SUGCT: variants seen among roughly 807,000 people sequenced by gnomAD.
The protein encoded by SUGCT is succinyl-CoA:glutarate-CoA transferase.
SUGCT carries 41 observed loss-of-function variants against 55.0 expected under a neutral mutation model. The ratio of observed to expected loss-of-function variants is 0.74; its 90% CI spans 0.58 to 0.97. The LOEUF (loss-of-function observed/expected upper bound fraction) is 0.97, where lower values mean the gene tolerates loss of function less well. SUGCT is among the 50% of genes least tolerant of loss of function. The pLI is 0.00. For synonymous variants in SUGCT, 187 were observed against 200.4 expected (o/e 0.93, Z 0.56); for missense variants, 568 against 547.8 (o/e 1.04, Z -0.37).
chr7:40,334,357 A>C (rs1295649145), intron 9 of SUGCT, among the ~76,000 whole-genome samples: 2 of 152,204 alleles, frequency 1.3e-5, no homozygotes, highest in East Asian at 1.9e-4. Context: ...ACTAGTTTAC[A>C]ATCCCACCAA....
chr7:40,707,350 C>T (rs1170821276), intron 12 of SUGCT, among the ~76,000 whole-genome samples: 1 of 151,452 alleles, frequency 6.6e-6, no homozygotes, highest in Non-Finnish European at 1.5e-5. Context: ...AATGTATATG[C>T]GTGTTTTTCT....
intron 12 of SUGCT, among the ~76,000 whole-genome samples, chr7:40,621,957 G>A (rs2151793083): frequency 6.6e-6 from 1 of 152,258 alleles, no homozygotes; most frequent in East Asian, 1.9e-4. Context: ...GGCATTTGAG[G>A]CAAGCCCGTG....
chr7:41,004,845 A>C, the SUGCT span, among the ~76,000 whole-genome samples: 4 of 152,346 alleles, frequency 2.6e-5, no homozygotes, highest in Admixed American at 2.6e-4. Flanking sequence ...CTTCTCATTG[A>C]AACAAGTAAC....
intron 9 of SUGCT, among the ~76,000 whole-genome samples, chr7:40,434,528 C>T (rs932735007): frequency 1.4e-4 from 21 of 152,112 alleles, no homozygotes; most frequent in African/African-American, 4.8e-4. Flanking sequence ...ATGCTCATGT[C>T]TGTGATCTTT....
chr7:40,396,761 G>A (rs1448302910), intron 9 of SUGCT, among the ~76,000 whole-genome samples: 2 of 152,088 alleles, frequency 1.3e-5, no homozygotes, highest in Non-Finnish European at 2.9e-5. Flanking sequence ...AGAGTATTAA[G>A]CATTTACTTA....
the SUGCT span, among the ~76,000 whole-genome samples, chr7:40,866,276 C>T: frequency 5.9e-5 from 9 of 152,074 alleles, no homozygotes; most frequent in African/African-American, 1.7e-4. Context: ...TGTGGCAACA[C>T]GCATAACACA....
chr7:40,221,494 CTTTT>C (rs1452847552), intron 6 of SUGCT, among the ~76,000 whole-genome samples: 1 of 130,592 alleles, frequency 7.7e-6, no homozygotes. Flanking sequence ...TGTTATTGGT[CTTTT>C]TTTTTTTTTT....
chr7:40,614,211 C>G (rs1343500394), intron 12 of SUGCT, among the ~76,000 whole-genome samples: 1 of 151,698 alleles, frequency 6.6e-6, no homozygotes, highest in Admixed American at 6.6e-5. Flanking sequence ...TTGTTGAGTT[C>G]TGCATTCGAG....
rs10685507 is a variant in SUGCT, at chr7:40,266,185, CTT to C, written c.577-8313_577-8312del. Among the ~76,000 whole-genome samples, 5 of 116,810 alleles carry C rather than the reference CTT, an allele frequency of 4.3e-5. No homozygotes were observed. The East Asian group carries it at 7.4e-4, about 17-fold the overall frequency. The allele number at this position is 116,810 out of a possible 152,430, so 76.6% of individuals were successfully genotyped here. ...TTTTTCTTTTCTTTTCTTTCCTTTC[CTT>C]TTTTTTTTTTTTTTGAGGTGGAGTT... On this transcript the variant is annotated intron_variant, in intron 7 of 13. Transcript: ENST00000335693.
intron 5 of SUGCT, among the ~76,000 whole-genome samples, chr7:40,191,842 G>A (rs1349598248): frequency 6.6e-6 from 1 of 152,124 alleles, no homozygotes; most frequent in Non-Finnish European, 1.5e-5. Context: ...AGGCATGGTG[G>A]CTCACGCCTG....
In SUGCT at chr7:40,230,412, C is replaced by T. The variant is rs191539083; in HGVS notation, c.485-7223C>T. 4.3e-3 allele frequency among the ~76,000 whole-genome samples: 660 copies of T among 152,230 alleles called. 6 individuals are homozygous for T. Among genetic ancestry groups the T allele is most frequent in the African/African-American group, 0.015 (607 of 41,532 alleles). On this transcript the variant is annotated intron_variant, in intron 6 of 13. Coordinates refer to ENST00000335693, the MANE Select transcript of SUGCT (RefSeq NM_001193313.2). Reference sequence around the variant, plus strand: ...GGAACTGTTATTTTTATCCTACAGGCAATTTCGTAAGAATTTCAATAAGGA... The same window carrying T: ...GGAACTGTTATTTTTATCCTACAGGTAATTTCGTAAGAATTTCAATAAGGA...
At chr7:40,138,063 G>T (rs372494) in intron 1 of SUGCT, among the ~76,000 whole-genome samples, 13,688 of 152,184 alleles carry the variant, frequency 0.09, 807 homozygotes, top group Non-Finnish European at 0.13. Context: ...TTGGGGTGAA[G>T]TCAGGGCCTT....
At chr7:40,844,769 G>A (rs766006678) in intron 13 of SUGCT, among the ~76,000 whole-genome samples, 3 of 152,206 alleles carry the variant, frequency 2.0e-5, no homozygotes, top group Admixed American at 6.5e-5. Flanking sequence ...GTATCAATAG[G>A]AAGCTCTCAC....
chr7:40,696,291 T>A (rs1399454575), intron 12 of SUGCT, among the ~76,000 whole-genome samples: 1 of 152,200 alleles, frequency 6.6e-6, no homozygotes, highest in African/African-American at 2.4e-5. Context: ...AATGGAGGTC[T>A]GAGGTCAGAG....
the SUGCT span, among the ~76,000 whole-genome samples, chr7:41,011,822 T>C: frequency 6.6e-6 from 1 of 152,334 alleles, no homozygotes; most frequent in East Asian, 1.9e-4. Context: ...TACATTTTTG[T>C]ATACAGATAG....
the SUGCT span, among the ~76,000 whole-genome samples, chr7:41,021,768 C>A: frequency 1.3e-5 from 2 of 151,364 alleles, no homozygotes; most frequent in Non-Finnish European, 2.9e-5. Context: ...AAAGGTAGGC[C>A]CCAAAATACA....
chr7:40,363,494 A>G (rs1186548698), intron 9 of SUGCT, among the ~76,000 whole-genome samples: 4 of 152,024 alleles, frequency 2.6e-5, no homozygotes, highest in Admixed American at 2.0e-4. Flanking sequence ...ATGTGTCCCA[A>G]AGATTCTGGT....
intron 9 of SUGCT, among the ~76,000 whole-genome samples, chr7:40,322,367 C>G (rs1250828111): frequency 6.6e-6 from 1 of 152,110 alleles, no homozygotes; most frequent in Non-Finnish European, 1.5e-5. Context: ...TCTTTGTGCC[C>G]ACAGATCTTT....
At chr7:40,801,966 G>A (rs549626223) in intron 13 of SUGCT, among the ~76,000 whole-genome samples, 7 of 146,112 alleles carry the variant, frequency 4.8e-5, no homozygotes, top group Non-Finnish European at 9.1e-5. Context: ...TCTAGCAAAT[G>A]TTAAGCATGG....
Sources: allele counts gnomAD v4.1 joint callset (sites outside exome capture counted in the v4.1 genomes callset), GRCh38; gene constraint gnomAD v4.1.1; transcripts MANE v1.5; gene names NCBI Gene and HGNC (gene_info 2026-07-23, HGNC 2026-07-21).